DPYD: variants seen among roughly 807,000 people sequenced by gnomAD.
DPYD encodes dihydropyrimidine dehydrogenase, also known as dihydropyrimidine dehydrogenase [NADP(+)].
Under a neutral mutation model 116.2 loss-of-function variants are expected in DPYD, and 109 were observed. The observed-to-expected ratio is 0.94, with a 90% CI of 0.80 to 1.10. The LOEUF (loss-of-function observed/expected upper bound fraction) is 1.10. DPYD is among the 50% of genes least tolerant of loss of function. The probability of loss-of-function intolerance (pLI) is 0.00; values close to 1 mark genes in which losing one functional copy is unlikely to be tolerated. For synonymous variants in DPYD, 440 were observed against 432.0 expected, an observed-to-expected ratio of 1.02 and a Z score of -0.23; for missense variants, 1,302 against 1,254.5, an observed-to-expected ratio of 1.04 and a Z score of -0.57.
Position 97,568,944 on chromosome 1 carries a change from C to G in DPYD, c.1339+4816G>C, listed in dbSNP as rs1652714045. Among the ~76,000 whole-genome samples, 3 of 61,890 alleles carry G rather than the reference C, an allele frequency of 4.8e-5. No homozygotes were observed. The Admixed American group carries it at 6.8e-4, about 14-fold the overall frequency. 40.6% of individuals were successfully genotyped at this position (61,890 alleles called of 152,430 possible). A position where few individuals can be genotyped will look rare whatever the true frequency, so the allele number is the denominator to read the frequency against. On this transcript the variant is annotated intron_variant, in intron 11 of 22. Coordinates refer to ENST00000370192, the MANE Select transcript of DPYD (RefSeq NM_000110.4). ...AAATAGATTCCGGAAGATCACAGAA[C>G]ATAAATCTTTACAGAGTCAAAATTT... is the stretch of plus-strand genomic sequence containing the variant.
chr1:97,673,665 G>C (rs1229329983), intron 8 of DPYD, among the ~76,000 whole-genome samples: 1 of 152,026 alleles, frequency 6.6e-6, no homozygotes, highest in African/African-American at 2.4e-5. Context: ...AGGTGAAGAA[G>C]TGCTATACTA....
At chr1:97,805,609 G>C (rs1045269123) in intron 3 of DPYD, among the ~76,000 whole-genome samples, 1 of 151,658 alleles carries the variant, frequency 6.6e-6, no homozygotes, top group Non-Finnish European at 1.5e-5. Flanking sequence ...GCCAGTGAAT[G>C]TTCTCTCTGC....
At chr1:97,200,871 ACTGT>A (rs1442235768) in intron 19 of DPYD, among the ~76,000 whole-genome samples, 1 of 152,152 alleles carries the variant, frequency 6.6e-6, no homozygotes, top group Non-Finnish European at 1.5e-5. Flanking sequence ...CTGCTACAAC[ACTGT>A]CTGTCAATAT....
At chr1:97,228,046 C>T (rs1160904667) in intron 19 of DPYD, among the ~76,000 whole-genome samples, 2 of 151,296 alleles carry the variant, frequency 1.3e-5, no homozygotes, top group Non-Finnish European at 2.9e-5. Flanking sequence ...CAGCACTTAT[C>T]TTATGTTAAA....
chr1:97,139,829 T>C (rs1157525801), intron 20 of DPYD, among the ~76,000 whole-genome samples: 2 of 152,150 alleles, frequency 1.3e-5, no homozygotes, highest in Non-Finnish European at 2.9e-5. Context: ...GATCTTTCCC[T>C]GTCACCCATA....
At chr1:97,309,603 A>G (rs1050936977) in intron 16 of DPYD, among the ~76,000 whole-genome samples, 1 of 151,666 alleles carries the variant, frequency 6.6e-6, no homozygotes, top group Non-Finnish European at 1.5e-5. Flanking sequence ...GTTTTGATAA[A>G]AGCAAGCTAG....
intron 8 of DPYD, among the ~76,000 whole-genome samples, chr1:97,608,018 T>C (rs1413754531): frequency 1.3e-5 from 2 of 151,904 alleles, no homozygotes. Context: ...TAGAATCTAT[T>C]TAAATGAGCC....
At chr1:97,263,569 T>A (rs1040983968) in intron 18 of DPYD, among the ~76,000 whole-genome samples, 4 of 152,140 alleles carry the variant, frequency 2.6e-5, no homozygotes, top group African/African-American at 7.2e-5. Flanking sequence ...TATTATTTAT[T>A]ATTTAAGGGT....
intron 19 of DPYD, among the ~76,000 whole-genome samples, chr1:97,206,151 G>C (rs1181231572): frequency 1.3e-5 from 2 of 151,790 alleles, no homozygotes; most frequent in East Asian, 3.9e-4. Flanking sequence ...ACTCCTCCAA[G>C]GGTCTTTCAG....
chr1:97,225,253 A>G (rs897032896), intron 19 of DPYD, among the ~76,000 whole-genome samples: 2 of 151,986 alleles, frequency 1.3e-5, no homozygotes, highest in Admixed American at 6.6e-5. Context: ...ACCCTCATCA[A>G]CATTTGCTAT....
chr1:97,908,098 T>G (rs1673736135), intron 1 of DPYD, among the ~76,000 whole-genome samples: 1 of 151,972 alleles, frequency 6.6e-6, no homozygotes, highest in South Asian at 2.1e-4. Flanking sequence ...CAAGCTGGAG[T>G]GCAGTGGTGT....
At chr1:97,414,148 A>G (rs779797700) in intron 14 of DPYD, among the ~76,000 whole-genome samples, 18 of 152,198 alleles carry the variant, frequency 1.2e-4, no homozygotes, top group Non-Finnish European at 5.9e-5. Flanking sequence ...AAAAACACAC[A>G]CACACATATT....
chr1:97,833,977 T>C (rs944324681), intron 2 of DPYD, among the ~76,000 whole-genome samples: 1 of 152,102 alleles, frequency 6.6e-6, no homozygotes, highest in Admixed American at 6.6e-5. Flanking sequence ...TATGCTATGC[T>C]ATATACAATT....
intron 20 of DPYD, among the ~76,000 whole-genome samples, chr1:97,119,021 G>T (rs1001610080): frequency 6.6e-6 from 1 of 151,976 alleles, no homozygotes; most frequent in Non-Finnish European, 1.5e-5. Flanking sequence ...ACAGACTTTG[G>T]GGACAGAAGG....
At chr1:97,463,377 A>G (rs1037051564) in intron 13 of DPYD, among the ~76,000 whole-genome samples, 1 of 152,114 alleles carries the variant, frequency 6.6e-6, no homozygotes, top group South Asian at 2.1e-4. Context: ...GCCTTCTGCC[A>G]TGATTGTGAG....
intron 20 of DPYD, among the ~76,000 whole-genome samples, chr1:97,103,452 A>G (rs1650902238): frequency 6.6e-6 from 1 of 152,148 alleles, no homozygotes; most frequent in Non-Finnish European, 1.5e-5. Context: ...GTCCATCTAC[A>G]TATTACACGT....
At chr1:97,194,085 T>C (rs921715899) in intron 19 of DPYD, among the ~76,000 whole-genome samples, 1 of 152,334 alleles carries the variant, frequency 6.6e-6, no homozygotes, top group South Asian at 2.1e-4. Flanking sequence ...CACTATATTA[T>C]CTGCAGTGAC....
intron 13 of DPYD, among the ~76,000 whole-genome samples, chr1:97,482,089 T>C (rs767005443): frequency 3.3e-5 from 5 of 152,224 alleles, no homozygotes; most frequent in Non-Finnish European, 2.9e-5. Context: ...AAGTATATTA[T>C]ATGTCAACTT....
intron 14 of DPYD, among the ~76,000 whole-genome samples, chr1:97,392,436 C>T (rs1672757820): frequency 6.6e-6 from 1 of 151,706 alleles, no homozygotes; most frequent in Non-Finnish European, 1.5e-5. Flanking sequence ...CTTACCGTGG[C>T]ATCGAATTCC....
Sources: allele counts gnomAD v4.1 joint callset (sites outside exome capture counted in the v4.1 genomes callset), GRCh38; gene constraint gnomAD v4.1.1; transcripts MANE v1.5; gene names NCBI Gene and HGNC (gene_info 2026-07-23, HGNC 2026-07-21).